Variants in NBPF4 observed in about 807,000 individuals in gnomAD.
The protein encoded by NBPF4 is NBPF family member NBPF4.
A neutral mutation model predicts 21.1 loss-of-function variants in NBPF4; 11 were observed. The observed-to-expected ratio is 0.52, with a 90% CI of 0.33 to 0.86. The LOEUF (loss-of-function observed/expected upper bound fraction) is 0.86, where lower values mean the gene tolerates loss of function less well. NBPF4 is among the 40% of genes least tolerant of loss of function. The pLI, the probability that NBPF4 is intolerant of heterozygous loss-of-function variation, is 0.03. For missense variants in NBPF4, 88 were observed against 265.3 expected, an observed-to-expected ratio of 0.33 and a Z score of 4.64; for synonymous variants, 47 against 106.4, an observed-to-expected ratio of 0.44 and a Z score of 3.43.
chr1:108,246,586 G>A (rs1423812091), upstream of NBPF4, among the ~76,000 whole-genome samples: 4 of 105,834 alleles, frequency 3.8e-5, no homozygotes, highest in African/African-American at 6.8e-5. Flanking sequence ...TGACCTGGCC[G>A]TGATCCTGCA....
At chr1:108,266,145 G>T in the NBPF4 span, among the ~76,000 whole-genome samples, 4 of 143,296 alleles carry the variant, frequency 2.8e-5, no homozygotes, top group African/African-American at 1.1e-4. Context: ...CTAGGAGCTG[G>T]TTTTTTGGAA....
chr1:108,257,418 C>A, the NBPF4 span, among the ~76,000 whole-genome samples: 5 of 151,098 alleles, frequency 3.3e-5, no homozygotes, highest in Admixed American at 2.6e-4. Context: ...AGTCTCCCTG[C>A]TACCCTATTG....
the NBPF4 span, among the ~76,000 whole-genome samples, chr1:108,250,583 A>AT: frequency 4.6e-5 from 7 of 151,592 alleles, no homozygotes; most frequent in African/African-American, 1.5e-4. Context: ...TTTTCTGTGT[A>AT]TGTCAGGGTA....
rs77009338 is a variant in NBPF4, at chr1:108,228,727, T to C, written c.1660+193A>G. Reference sequence around the variant, plus strand: ...TTGGCCAAAGTCAACAAGCAGAAAGTGGCAAACCCAGGTCCTGAGAGCAGA... The same window carrying C: ...TTGGCCAAAGTCAACAAGCAGAAAGCGGCAAACCCAGGTCCTGAGAGCAGA... On this transcript the variant is annotated intron_variant, in intron 13 of 14. Coordinates refer to ENST00000415641, the MANE Select transcript of NBPF4 (RefSeq NM_001143989.3). Among the ~76,000 whole-genome samples, 9 of 148,222 alleles carry C rather than the reference T, an allele frequency of 6.1e-5. No homozygotes were observed. The East Asian group carries it at 1.0e-3, about 17-fold the overall frequency.
chr1:108,248,072 A>C (rs1649893942), upstream of NBPF4, among the ~76,000 whole-genome samples: 1 of 152,054 alleles, frequency 6.6e-6, no homozygotes, highest in Admixed American at 6.5e-5. Context: ...TTTATTGAAA[A>C]GTCTTTCATT....
the NBPF4 span, among the ~76,000 whole-genome samples, chr1:108,264,308 T>C: frequency 1.4e-5 from 2 of 141,868 alleles, no homozygotes; most frequent in African/African-American, 2.7e-5. Context: ...CATTACATAA[T>C]GGTAAATGGA....
At chr1:108,248,104 G>A (rs559131021), upstream of NBPF4, among the ~76,000 whole-genome samples, 10 of 152,020 alleles carry the variant, frequency 6.6e-5, no homozygotes, top group Admixed American at 1.3e-4. Context: ...AGGCACTGGC[G>A]TGTTTGTTTT....
chr1:108,268,337 T>C, the NBPF4 span, among the ~76,000 whole-genome samples: 20 of 150,524 alleles, frequency 1.3e-4, no homozygotes, highest in Non-Finnish European at 2.4e-4. Flanking sequence ...AGAAAATCAA[T>C]GGGCAAAGTA....
At chr1:108,252,561 G>A in the NBPF4 span, among the ~76,000 whole-genome samples, 1 of 67,980 alleles carries the variant, frequency 1.5e-5, no homozygotes, top group African/African-American at 7.0e-5. Flanking sequence ...CCTTTTTCTG[G>A]TTGGTTGGTT....
the NBPF4 span, among the ~76,000 whole-genome samples, chr1:108,264,281 A>G: frequency 6.7e-6 from 1 of 148,910 alleles, no homozygotes; most frequent in Non-Finnish European, 1.5e-5. Context: ...ACAAAGGTCA[A>G]AAAAGACAAA....
the NBPF4 span, among the ~76,000 whole-genome samples, chr1:108,266,201 G>A: frequency 4.8e-5 from 7 of 144,516 alleles, no homozygotes; most frequent in Admixed American, 1.4e-4. Context: ...GACTAATAAA[G>A]ATGAAAAGAG....
the NBPF4 span, among the ~76,000 whole-genome samples, chr1:108,256,607 TC>T: frequency 1.1e-5 from 1 of 94,316 alleles, no homozygotes; most frequent in Non-Finnish European, 2.0e-5. Context: ...CCTCCCTCCC[TC>T]CCTCCCTTCC....
upstream of NBPF4, among the ~76,000 whole-genome samples, chr1:108,244,901 GATAT>G (rs1173565670): frequency 0.042 from 526 of 12,410 alleles, 12 homozygotes; most frequent in African/African-American, 0.049. Context: ...TATTGTTGGA[GATAT>G]ATATATATAT....
rs914893195 is a variant in NBPF4 at position 108,223,135 on chromosome 1, A to T, written c.*570T>A. On this transcript the variant is annotated 3_prime_UTR_variant, in exon 15 of 15. Coordinates refer to ENST00000415641, the MANE Select transcript of NBPF4 (RefSeq NM_001143989.3). ...ATGACAACAACAAAAAGATGAGGAG[A>T]TGTTTTGGGTTCAAAATGACTAAAA... Among the ~76,000 whole-genome samples the T allele has an allele frequency of 6.6e-6, 1 of 152,196 alleles. No individual in the cohort carries two copies. Among genetic ancestry groups the T allele is most frequent in the African/African-American group, 2.4e-5 (1 of 41,466 alleles).
chr1:108,259,739 C>T, the NBPF4 span, among the ~76,000 whole-genome samples: 1 of 150,798 alleles, frequency 6.6e-6, no homozygotes, highest in Non-Finnish European at 1.5e-5. Context: ...ATGTTATTTG[C>T]CACTTTTATT....
At chr1:108,228,756 G>A (rs9435349) in intron 13 of NBPF4, among the ~76,000 whole-genome samples, 164 bp downstream of exon 13, 11,469 of 144,240 alleles carry the variant, frequency 0.08, no homozygotes, top group African/African-American at 0.16. Context: ...GAGCAGATTC[G>A]GTCCTAAGCT....
intron 3 of NBPF4, among the ~76,000 whole-genome samples, chr1:108,241,449 T>A (rs1649715769): frequency 6.8e-6 from 1 of 147,726 alleles, no homozygotes; most frequent in Admixed American, 6.8e-5. Context: ...TTCTGTAATA[T>A]CCTCGCAGAT....
At chr1:108,224,393 C>A (rs1649408800) in intron 14 of NBPF4, among the ~76,000 whole-genome samples, 1 of 109,670 alleles carries the variant, frequency 9.1e-6, no homozygotes, top group African/African-American at 3.6e-5. Context: ...AGGAAAGGCT[C>A]CAATCTGGAG....
the NBPF4 span, among the ~76,000 whole-genome samples, chr1:108,264,543 G>C: frequency 1.1e-5 from 1 of 90,446 alleles, no homozygotes; most frequent in Non-Finnish European, 2.1e-5. Flanking sequence ...AAGTGGACCT[G>C]ATAGATATCT....
Sources: gnomAD v4.1 joint callset for allele counts (sites outside exome capture counted in the v4.1 genomes callset) on GRCh38, gnomAD v4.1.1 for gene constraint, MANE v1.5 for transcripts, NCBI Gene and HGNC (gene_info 2026-07-23, HGNC 2026-07-21) for gene names.